PSD: variants seen among roughly 807,000 people sequenced by gnomAD.
PSD encodes PH and SEC7 domain-containing protein 1.
In PSD, 32 loss-of-function variants were observed where a neutral mutation model predicts 91.6. That is an observed-to-expected ratio of 0.35 (90% CI 0.26 to 0.47). The LOEUF is 0.47. Ranked by LOEUF, PSD falls within the 20% of genes least tolerant of loss-of-function variation. The pLI is 1.00. For missense variants in PSD, 1,099 were observed against 1,373.9 expected (o/e 0.80, Z 3.16); for synonymous variants, 532 against 569.3 (o/e 0.93, Z 0.93).
Position 102,405,664 on chromosome 10 carries a change from T to C in PSD, c.2136-128A>G. 1 of 830,766 alleles carries C rather than the reference T, an allele frequency of 1.2e-6. No homozygotes were observed. The allele number at this position is 830,766 out of a possible 1,614,324, so 51.5% of individuals were successfully genotyped here. On this transcript the variant is annotated intron_variant, in intron 11 of 16. Coordinates refer to ENST00000020673, the MANE Select transcript of PSD (RefSeq NM_002779.5). This position sits in a 1 kb window ranked among gnomAD's most constrained non-coding sequence, Gnocchi z 5.4. ...CTTGGGGGGCTCAACCTGAGGGTCC[T>C]GCCATGTCTCCCGTCTCAGATCAGG...
chr10:102,418,776 G>C lies in PSD; in HGVS notation c.-159C>G, dbSNP rs2061517369. 2.2e-6 allele frequency: 1 copy of C among 454,924 alleles called. No homozygotes were observed. Among genetic ancestry groups the C allele is most frequent in the African/African-American group, 2.0e-5 (1 of 49,892 alleles). 28.2% of individuals were successfully genotyped at this position (454,924 alleles called of 1,614,324 possible). On this transcript the variant is annotated 5_prime_UTR_variant, in exon 1 of 17. Transcript: ENST00000020673. Reference sequence around the variant, plus strand: ...CCAGCTGAGCTGTGAAGGCAGCGCGGCTCCCGTTTGCTCCAGGCCCGCCCG... The same window carrying C: ...CCAGCTGAGCTGTGAAGGCAGCGCGCCTCCCGTTTGCTCCAGGCCCGCCCG...
At chr10:102,408,481 G>A (rs934515784) in intron 10 of PSD, among the ~76,000 whole-genome samples, 1 of 151,472 alleles carries the variant, frequency 6.6e-6, no homozygotes, top group African/African-American at 2.4e-5. Flanking sequence ...ACACCCAGAC[G>A]AAACCCAGCA....
chr10:102,418,161 C>A (rs2061507024), intron 1 of PSD, among the ~76,000 whole-genome samples: 1 of 150,990 alleles, frequency 6.6e-6, no homozygotes, highest in Non-Finnish European at 1.5e-5. Context: ...CCCTCTGGCA[C>A]ACACACAGAC....
rs1291884791 is a variant in PSD at position 102,404,537 on chromosome 10, A to G, written c.2700+46T>C. 2 of 1,590,888 alleles carry G rather than the reference A, an allele frequency of 1.3e-6. No individual in the cohort carries two copies. The highest frequency in any genetic ancestry group is 2.2e-5 in the East Asian group (1 of 44,764). On this transcript the variant is annotated intron_variant, in intron 15 of 16. Coordinates refer to ENST00000020673, the MANE Select transcript of PSD (RefSeq NM_002779.5). The surrounding 1 kb of genome is among the most constrained non-coding windows in gnomAD (Gnocchi z 5.7). ...CCTTGAGTGCAGTGGGCCTGAGCCTAACACCCTCCATCCCACTGGCACTAG... is the reference window on the plus strand; with the variant it reads ...CCTTGAGTGCAGTGGGCCTGAGCCTGACACCCTCCATCCCACTGGCACTAG...
rs773088079 is a variant in PSD at position 102,415,189 on chromosome 10, C to T, written c.798G>A (p.Gly266=). 2 of 1,612,448 alleles carry T rather than the reference C, an allele frequency of 1.2e-6. No homozygotes were observed. Among genetic ancestry groups the T allele is most frequent in the Admixed American group, 3.3e-5 (2 of 60,012 alleles). The change falls in exon 4 of 17, where the codon GGG becomes GGA. Residue 266 remains glycine (G), a synonymous_variant. Transcript: ENST00000020673. ...PPEQAPPSPP[G]VGSRQGSGVA... is the part of the protein sequence containing the mutation. ...CCCCAGAGCCCTGCCTTGAGCCCAC[C>T]CCAGGTGGAGATGGGGGGGCCTGCT...
rs918069334 is a variant in PSD at position 102,409,299 on chromosome 10, G to C, written c.2091+1559C>G. On this transcript the variant is annotated intron_variant, in intron 10 of 16. Coordinates refer to ENST00000020673, the MANE Select transcript of PSD (RefSeq NM_002779.5). The surrounding 1 kb of genome is among the most constrained non-coding windows in gnomAD (Gnocchi z 5.7). The stretch of plus-strand genomic sequence containing the variant: ...CTCTGCGGCTTGGCTAGAGCGGGAG[G>C]GGGGCGCCGACGGGAAAGGGAGGGC... 3.2e-5 allele frequency: 32 copies of C among 985,534 alleles called. No homozygotes were observed. In the African/African-American group the frequency reaches 4.2e-4, roughly 13 times the overall value. 61.0% of individuals were successfully genotyped at this position (985,534 alleles called of 1,614,324 possible). A position where few individuals can be genotyped will look rare whatever the true frequency, so the allele number is the denominator to read the frequency against.
In PSD at chr10:102,403,496, C is replaced by T; in HGVS notation, c.2845-66G>A. 4 of 1,435,968 alleles carry T rather than the reference C, an allele frequency of 2.8e-6. No individual in the cohort carries two copies. Among genetic ancestry groups the T allele is most frequent in the Non-Finnish European group, 2.8e-6 (3 of 1,067,390 alleles). 89.0% of individuals were successfully genotyped at this position (1,435,968 alleles called of 1,614,324 possible). A position where few individuals can be genotyped will look rare whatever the true frequency, so the allele number is the denominator to read the frequency against. ...CCTTCTGCCCACCCCACCATCTGGACCAGGGAGGGCCGCCAGCAGGGCAGA... is the reference window on the plus strand; with the variant it reads ...CCTTCTGCCCACCCCACCATCTGGATCAGGGAGGGCCGCCAGCAGGGCAGA... On this transcript the variant is annotated intron_variant, in intron 16 of 16. Transcript: ENST00000020673. The surrounding 1 kb of genome is among the most constrained non-coding windows in gnomAD (Gnocchi z 6.7).
chr10:102,410,224 TGA>T lies in PSD; in HGVS notation c.2091+632_2091+633del, dbSNP rs1272904452. 1.3e-5 allele frequency among the ~76,000 whole-genome samples: 2 copies of T among 152,188 alleles called. No individual in the cohort carries two copies. Among genetic ancestry groups the T allele is most frequent in the Non-Finnish European group, 2.9e-5 (2 of 68,032 alleles). ...CAGGGAGAGGAGTGAACCCACTGGA[TGA>T]GCCACTCCCTTCTCCTACCGGCACC... On this transcript the variant is annotated intron_variant, in intron 10 of 16. Coordinates refer to ENST00000020673, the MANE Select transcript of PSD (RefSeq NM_002779.5). This position sits in a 1 kb window ranked among gnomAD's most constrained non-coding sequence, Gnocchi z 6.0.
rs753668043 is a variant in PSD, at chr10:102,405,438, G to T, written c.2234C>A (p.Pro745His). Reference protein sequence around the residue: ...ISGGSGSGSSPFLDLTPEPGA... With the variant: ...ISGGSGSGSSHFLDLTPEPGA... ...AGGCTCGGGAGTCAGGTCCAGGAAA[G>T]GGCTGGAGCCACTGCCACTGCCCCC... Residue 745 changes from proline (P) to histidine (H), a missense_variant, in exon 12 of 17, where the codon CCT becomes CAT. Coordinates refer to ENST00000020673, the MANE Select transcript of PSD (RefSeq NM_002779.5). This position sits in a 1 kb window ranked among gnomAD's most constrained non-coding sequence, Gnocchi z 5.4. The T allele has an allele frequency of 2.0e-5, 32 of 1,613,700 alleles. No individual in the cohort carries two copies. Among genetic ancestry groups the T allele is most frequent in the Non-Finnish European group, 2.7e-5 (32 of 1,179,980 alleles).
Position 102,414,488 on chromosome 10 carries a change from G to A in PSD, c.1125-291C>T, listed in dbSNP as rs2061455413. Among the ~76,000 whole-genome samples the A allele has an allele frequency of 6.6e-6, 1 of 151,598 alleles. No individual in the cohort carries two copies. The highest frequency in any genetic ancestry group is 2.1e-4 in the South Asian group (1 of 4,808). ...TTCTGCCATCCCATTTCTATTTCTA[G>A]CAACATCTTAGGAGAAGATGAGGCT... On this transcript the variant is annotated intron_variant, in intron 4 of 16. Coordinates refer to ENST00000020673, the MANE Select transcript of PSD (RefSeq NM_002779.5). This position sits in a 1 kb window ranked among gnomAD's most constrained non-coding sequence, Gnocchi z 5.6.
chr10:102,411,449 C>T (rs1320790771), intron 8 of PSD, among the ~76,000 whole-genome samples: 1 of 152,226 alleles, frequency 6.6e-6, no homozygotes, highest in Non-Finnish European at 1.5e-5. Flanking sequence ...TCCAGCCAAG[C>T]ACTGGCCTGC....
At chr10:102,418,135 ACATT>A (rs760121512) in intron 1 of PSD, among the ~76,000 whole-genome samples, 4 of 151,396 alleles carry the variant, frequency 2.6e-5, no homozygotes, top group Admixed American at 1.3e-4. Context: ...ACAGTTAAAC[ACATT>A]CATAGGCAAC....
upstream of PSD, chr10:102,419,825 C>G (rs531722012): frequency 9.4e-5 from 19 of 201,172 alleles, no homozygotes; most frequent in South Asian, 8.3e-4. The surrounding 1 kb of genome is among the most constrained non-coding windows in gnomAD (Gnocchi z 4.8). Flanking sequence ...GTCCTCCCAG[C>G]TACCCCCTCC....
In PSD at chr10:102,415,173, C is replaced by T. The variant is rs768218372; in HGVS notation, c.814G>A (p.Gly272Ser). 1 of 1,613,084 alleles carries T rather than the reference C, an allele frequency of 6.2e-7. No individual in the cohort carries two copies. The highest frequency in any genetic ancestry group is 8.5e-7 in the Non-Finnish European group (1 of 1,179,932). The change falls in exon 4 of 17, where the codon GGC becomes AGC. Residue 272 changes from glycine to serine, a missense_variant. Physicochemically the swap from Gly to Ser is moderately conservative, Grantham distance 56. Transcript: ENST00000020673. ...GCTCGCCCCACAGCCACCCCAGAGCCCTGCCTTGAGCCCACCCCAGGTGGA... is the reference window on the plus strand; with the variant it reads ...GCTCGCCCCACAGCCACCCCAGAGCTCTGCCTTGAGCCCACCCCAGGTGGA... ...PSPPGVGSRQ[G>S]SGVAVGRAAK...
chr10:102,411,213 C>A lies in PSD; in HGVS notation c.1943-97G>T. 5.8e-6 allele frequency: 7 copies of A among 1,203,054 alleles called. No homozygotes were observed. The South Asian group carries it at 8.6e-5, about 15-fold the overall frequency. The allele number at this position is 1,203,054 out of a possible 1,614,324, so 74.5% of individuals were successfully genotyped here. On this transcript the variant is annotated intron_variant, in intron 8 of 16. Coordinates refer to ENST00000020673, the MANE Select transcript of PSD (RefSeq NM_002779.5). ...CCATTTCATCCCCACCCCCTTTGGC[C>A]GGCAACTTCCTACCTCCTGAACCCC...
chr10:102,403,982 C>G lies in PSD; in HGVS notation c.2704G>C (p.Glu902Gln). The G allele has an allele frequency of 6.4e-7, 1 of 1,553,298 alleles. No homozygotes were observed. Among genetic ancestry groups the G allele is most frequent in the Non-Finnish European group, 8.7e-7 (1 of 1,151,146 alleles). Residue 902 changes from glutamate (E) to glutamine (Q), a missense_variant, in exon 16 of 17, where the codon GAG becomes CAG. By Grantham distance (29) the Glu-to-Gln change is conservative (BLOSUM62 2). This residue lies in a region of PSD where 358 missense variants were observed against 426.5 expected (regional missense o/e 0.84). Coordinates refer to ENST00000020673, the MANE Select transcript of PSD (RefSeq NM_002779.5). The surrounding 1 kb of genome is among the most constrained non-coding windows in gnomAD (Gnocchi z 6.7). ...PSAATRLSQE[E>Q]QVRTHEAKLK... Reference sequence around the variant, plus strand: ...TTGGCCTCGTGGGTCCGCACCTGCTCCTCCTAGCGGCCAGGGGGAGGCATG... The same window carrying G: ...TTGGCCTCGTGGGTCCGCACCTGCTGCTCCTAGCGGCCAGGGGGAGGCATG...
chr10:102,407,545 T>C (rs188014751), intron 10 of PSD, among the ~76,000 whole-genome samples: 12 of 152,184 alleles, frequency 7.9e-5, no homozygotes, highest in East Asian at 5.8e-4. Flanking sequence ...TGACGCACAG[T>C]AAATGGTTGT....
In PSD at chr10:102,416,457, A is replaced by G; in HGVS notation, c.582T>C (p.Asn194=). 1 of 1,613,200 alleles carries G rather than the reference A, an allele frequency of 6.2e-7. No individual in the cohort carries two copies. Among genetic ancestry groups the G allele is most frequent in the Non-Finnish European group, 8.5e-7 (1 of 1,179,626 alleles). Residue 194 remains asparagine (N), a synonymous_variant, in exon 2 of 17, where the codon AAT becomes AAC. Transcript: ENST00000020673. This position sits in a 1 kb window ranked among gnomAD's most constrained non-coding sequence, Gnocchi z 6.0. The part of the protein sequence containing the change: ...GADGLYSSLP[N]GLGGPPERLA... ...GGCGCTCAGGGGGGCCCCCCAGCCC[A>G]TTGGGGAGAGAGGAGTAAAGGCCAT...
Position 102,407,276 on chromosome 10 carries a change from G to A in PSD, c.2092-10C>T, listed in dbSNP as rs755389314. Reference sequence around the variant, plus strand: ...TGGAGCTGTACAAGGCCTGGGGGGTGGGGGGAACAAATTAGGGGGTTGTGG... The same window carrying A: ...TGGAGCTGTACAAGGCCTGGGGGGTAGGGGGAACAAATTAGGGGGTTGTGG... On this transcript the variant is annotated splice_polypyrimidine_tract_variant and intron_variant, in intron 10 of 16. Transcript: ENST00000020673. The A allele has an allele frequency of 1.9e-6, 3 of 1,570,874 alleles. No individual in the cohort carries two copies. Among genetic ancestry groups the A allele is most frequent in the South Asian group, 1.2e-5 (1 of 85,072 alleles).
Sources: gnomAD v4.1 joint callset for allele counts (sites outside exome capture counted in the v4.1 genomes callset) on GRCh38, gnomAD v4.1.1 for gene constraint, gnomAD v4.1.1 regional missense constraint, Gnocchi (gnomAD v3.1) non-coding constraint, MANE v1.5 for transcripts, NCBI Gene and HGNC (gene_info 2026-07-23, HGNC 2026-07-21) for gene names.